CMIP: variants seen among roughly 807,000 people sequenced by gnomAD.
The protein encoded by CMIP is c-Maf inducing protein.
Under a neutral mutation model 97.3 loss-of-function variants are expected in CMIP, and 13 were observed. The observed-to-expected ratio is 0.13, with a 90% CI of 0.09 to 0.21. The LOEUF is 0.21. Ranked by LOEUF, CMIP falls within the 10% of genes least tolerant of loss-of-function variation. The pLI, the probability that CMIP is intolerant of heterozygous loss-of-function variation, is 1.00. For synonymous variants in CMIP, 538 were observed against 436.3 expected, an observed-to-expected ratio of 1.23 and a Z score of -2.91; for missense variants, 847 against 1,024.9, an observed-to-expected ratio of 0.83 and a Z score of 2.37.
At chr16:81,670,847 G>C (rs2092677216) in intron 8 of CMIP, among the ~76,000 whole-genome samples, 1 of 152,016 alleles carries the variant, frequency 6.6e-6, no homozygotes, top group African/African-American at 2.4e-5. Context: ...TGTTTGTTTT[G>C]AGATGGAGTC....
chr16:81,624,778 C>T (rs1021871639), intron 3 of CMIP, among the ~76,000 whole-genome samples: 8 of 152,156 alleles, frequency 5.3e-5, no homozygotes, highest in Admixed American at 3.9e-4. Context: ...ATAACAGGGT[C>T]GATTGACAAC....
intron 10 of CMIP, 137 bp downstream of exon 10, chr16:81,678,765 GAGCTGGTGTGTGCAAGAGT>G (rs1402063786): frequency 1.7e-6 from 1 of 601,444 alleles, no homozygotes; most frequent in East Asian, 2.8e-5. Flanking sequence ...GAGTGCACAC[GAGCTGGTGTGTGCAAGAGT>G]GTGCATAAGC....
In CMIP at chr16:81,453,904, G is replaced by C. The variant is rs1229709101; in HGVS notation, c.300+8363G>C. 2.0e-5 allele frequency among the ~76,000 whole-genome samples: 3 copies of C among 152,216 alleles called. No homozygotes were observed. Among genetic ancestry groups the C allele is most frequent in the African/African-American group, 7.2e-5 (3 of 41,462 alleles). ...ACACACGGCCACACGGAGTGCAGGG[G>C]AAGACTTGGGAACATGGTTTACATG... On this transcript the variant is annotated intron_variant, in intron 1 of 20. Coordinates refer to ENST00000537098, the MANE Select transcript of CMIP (RefSeq NM_198390.3). The surrounding 1 kb of genome is among the most constrained non-coding windows in gnomAD (Gnocchi z 4.0).
intron 9 of CMIP, among the ~76,000 whole-genome samples, chr16:81,673,865 G>A (rs2151047151): frequency 6.6e-6 from 1 of 152,316 alleles, no homozygotes; most frequent in Admixed American, 6.5e-5. Context: ...ACTCCAAGGA[G>A]ACCAACATGA....
intron 16 of CMIP, among the ~76,000 whole-genome samples, chr16:81,702,282 T>C (rs1411234567): frequency 6.6e-6 from 1 of 152,118 alleles, no homozygotes; most frequent in Non-Finnish European, 1.5e-5. Flanking sequence ...CAGTGAGATA[T>C]GTTTGAGACA....
chr16:81,459,867 G>A (rs77029045), intron 1 of CMIP, among the ~76,000 whole-genome samples: 7,598 of 152,304 alleles, frequency 0.05, 234 homozygotes, highest in South Asian at 0.12. Context: ...CCCACTCTTA[G>A]GAGGTGGCCT....
At chr16:81,530,803 G>T (rs944165695) in intron 1 of CMIP, among the ~76,000 whole-genome samples, 1 of 152,122 alleles carries the variant, frequency 6.6e-6, no homozygotes, top group Non-Finnish European at 1.5e-5. Context: ...TGCTAGGCAC[G>T]TACCCTCTTT....
At chr16:81,645,750 T>C (rs2092357573) in intron 3 of CMIP, 1 of 830,512 alleles carries the variant, frequency 1.2e-6, no homozygotes, top group South Asian at 1.5e-5. Context: ...TCCTGAGTTC[T>C]ACCTCCCTGG....
intron 1 of CMIP, among the ~76,000 whole-genome samples, chr16:81,489,982 C>A (rs1262453746): frequency 6.6e-6 from 1 of 152,208 alleles, no homozygotes; most frequent in Non-Finnish European, 1.5e-5. Context: ...TTGATATCTT[C>A]TCAGTACCAG....
chr16:81,588,692 T>C (rs1387542094), intron 1 of CMIP, among the ~76,000 whole-genome samples: 1 of 152,190 alleles, frequency 6.6e-6, no homozygotes, highest in Non-Finnish European at 1.5e-5. Context: ...CACTTATTTG[T>C]CTTTTCTGTC....
intron 1 of CMIP, among the ~76,000 whole-genome samples, chr16:81,541,816 G>A (rs898960896): frequency 3.3e-5 from 5 of 152,152 alleles, no homozygotes; most frequent in Admixed American, 1.3e-4. Flanking sequence ...TCAGGCATGC[G>A]TTTATGTGAA....
At chr16:81,586,165 G>A (rs975842638) in intron 1 of CMIP, among the ~76,000 whole-genome samples, 3 of 151,886 alleles carry the variant, frequency 2.0e-5, no homozygotes, top group Non-Finnish European at 2.9e-5. Context: ...AGACAGCCCC[G>A]CCCCACACCT....
In CMIP at chr16:81,705,535, C is replaced by T. The variant is rs778936617; in HGVS notation, c.2128C>T (p.Leu710Phe). Residue 710 changes from leucine (L) to phenylalanine (F), a missense_variant, in exon 19 of 21, where the codon CTC (leucine) becomes TTC (phenylalanine). Transcript: ENST00000537098. ...TGGCCTTCGGCTCCTGTCGGAACAC[C>T]TCACCATGCTCCAGGTGCTGAACCT... ...DAGLRLLSEHLTMLQVLNLCE... is the reference protein window; with the variant it reads ...DAGLRLLSEHFTMLQVLNLCE... 6.2e-7 allele frequency: 1 copy of T among 1,609,172 alleles called. No homozygotes were observed. Among genetic ancestry groups the T allele is most frequent in the Non-Finnish European group, 8.5e-7 (1 of 1,178,392 alleles).
intron 1 of CMIP, among the ~76,000 whole-genome samples, chr16:81,605,864 G>A (rs1486931337): frequency 5.3e-5 from 8 of 152,234 alleles, no homozygotes; most frequent in Non-Finnish European, 1.0e-4. Context: ...GGCGCCTGCA[G>A]CATAACGGAA....
intron 1 of CMIP, among the ~76,000 whole-genome samples, chr16:81,460,248 C>T (rs1461089724): frequency 6.6e-6 from 1 of 152,098 alleles, no homozygotes; most frequent in Non-Finnish European, 1.5e-5. Flanking sequence ...AGTGGAGAGC[C>T]TGGGGGAGAT....
rs2091983903 is a variant in CMIP at position 81,620,929 on chromosome 16, A to G, written c.477+3A>G. On this transcript the variant is annotated splice_donor_region_variant and intron_variant, in intron 3 of 20. Transcript: ENST00000537098. ...GGTTCCATTCTCTGCAATGGAAGGT[A>G]AGTACTGACTCGGTTGCTTGTTTAA... 5.0e-6 allele frequency: 8 copies of G among 1,613,916 alleles called. No homozygotes were observed. In the East Asian group the frequency reaches 8.9e-5, roughly 18 times the overall value.
chr16:81,525,984 G>C (rs919621969), intron 1 of CMIP, among the ~76,000 whole-genome samples: 1 of 31,278 alleles, frequency 3.2e-5, no homozygotes. Flanking sequence ...ATACGTGTGT[G>C]TGTGTGTGTG....
At chr16:81,651,877 G>A (rs1377713882) in intron 3 of CMIP, among the ~76,000 whole-genome samples, 1 of 152,080 alleles carries the variant, frequency 6.6e-6, no homozygotes, top group African/African-American at 2.4e-5. Flanking sequence ...GTGTACCTCG[G>A]TTTCTTCATC....
chr16:81,607,942 T>G (rs1422985740), intron 2 of CMIP, among the ~76,000 whole-genome samples: 1 of 152,214 alleles, frequency 6.6e-6, no homozygotes, highest in Non-Finnish European at 1.5e-5. Context: ...GCTCATTTAG[T>G]TTCCCTTAAT....
Sources: allele counts gnomAD v4.1 joint callset (sites outside exome capture counted in the v4.1 genomes callset), GRCh38; gene constraint gnomAD v4.1.1; non-coding constraint Gnocchi (gnomAD v3.1); transcripts MANE v1.5; gene names NCBI Gene and HGNC (gene_info 2026-07-23, HGNC 2026-07-21).